Variants in PHYHIPL observed in about 807,000 individuals in gnomAD.
The protein encoded by PHYHIPL is phytanoyl-CoA 2-hydroxylase interacting protein like.
PHYHIPL carries 9 observed loss-of-function variants against 33.4 expected under a neutral mutation model. The observed-to-expected ratio is 0.27, with a 90% confidence interval of 0.16 to 0.47. The LOEUF (loss-of-function observed/expected upper bound fraction) is 0.47, where lower values mean the gene tolerates loss of function less well. Ranked by LOEUF, PHYHIPL falls within the 20% of genes least tolerant of loss-of-function variation. The pLI is 0.99. For missense variants in PHYHIPL, 365 were observed against 460.7 expected, an observed-to-expected ratio of 0.79 and a Z score of 1.90; for synonymous variants, 153 against 154.1, an observed-to-expected ratio of 0.99 and a Z score of 0.05.
intron 1 of PHYHIPL, 109 bp downstream of exon 1, chr10:59,177,068 C>T (rs1396910082): frequency 6.7e-6 from 6 of 894,806 alleles, no homozygotes; most frequent in African/African-American, 5.0e-5. Flanking sequence ...CTTTTGTTGT[C>T]CCCTCTGTGC....
chr10:59,207,544 G>A (rs997415766), intron 1 of PHYHIPL, among the ~76,000 whole-genome samples: 1 of 152,200 alleles, frequency 6.6e-6, no homozygotes, highest in African/African-American at 2.4e-5. Context: ...CAAAGTCGCT[G>A]TAGCCAGACT....
chr10:59,177,435 C>CA (rs1838284602), intron 1 of PHYHIPL: 1 of 1,491,842 alleles, frequency 6.7e-7, no homozygotes, highest in Admixed American at 2.4e-5. Flanking sequence ...TCAGACTCCC[C>CA]AAATTAACAA....
intron 1 of PHYHIPL, among the ~76,000 whole-genome samples, chr10:59,199,324 C>CA (rs1442052647): frequency 1.4e-4 from 21 of 152,140 alleles, no homozygotes; most frequent in African/African-American, 5.1e-4. Flanking sequence ...ATCCTTTCCC[C>CA]ATTTCTTGTT....
At chr10:59,242,738 TA>T (rs1487787687) in intron 4 of PHYHIPL, among the ~76,000 whole-genome samples, 2 of 151,788 alleles carry the variant, frequency 1.3e-5, no homozygotes, top group Non-Finnish European at 2.9e-5. Flanking sequence ...TTTTGGAACA[TA>T]AAAACACAGT....
At chr10:59,177,220 C>A in intron 1 of PHYHIPL, 1 of 581,800 alleles carries the variant, frequency 1.7e-6, no homozygotes, top group Non-Finnish European at 2.9e-6. Flanking sequence ...CCGCCTGGCC[C>A]GGACGAGGGC....
chr10:59,237,731 C>T (rs1840268477), intron 3 of PHYHIPL, among the ~76,000 whole-genome samples: 1 of 151,778 alleles, frequency 6.6e-6, no homozygotes, highest in Non-Finnish European at 1.5e-5. Context: ...TCTTTTCTAG[C>T]CTATGACAGG....
intron 1 of PHYHIPL, among the ~76,000 whole-genome samples, chr10:59,209,115 A>G: frequency 6.6e-6 from 1 of 152,090 alleles, no homozygotes; most frequent in Non-Finnish European, 1.5e-5. Flanking sequence ...CAACTCCAAG[A>G]CACATAATTG....
chr10:59,241,852 T>G (rs1840407218), intron 4 of PHYHIPL, among the ~76,000 whole-genome samples: 1 of 152,020 alleles, frequency 6.6e-6, no homozygotes, highest in South Asian at 2.1e-4. Flanking sequence ...TACAAAGATA[T>G]CTCTTTTGTC....
At chr10:59,194,044 G>A (rs144973774) in intron 1 of PHYHIPL, among the ~76,000 whole-genome samples, 150 of 147,394 alleles carry the variant, frequency 1.0e-3, no homozygotes, top group African/African-American at 3.4e-3. Context: ...CTTTTGTTTT[G>A]CACTATGTAT....
intron 2 of PHYHIPL, 24 bp from the exon 3 acceptor site, chr10:59,236,459 C>A: frequency 6.9e-7 from 1 of 1,447,298 alleles, no homozygotes; most frequent in Non-Finnish European, 9.3e-7. Flanking sequence ...ATTTTTCTCT[C>A]TCTCTTCCTT....
At chr10:59,212,081 TAAG>T (rs764128679) in intron 1 of PHYHIPL, among the ~76,000 whole-genome samples, 3 of 152,226 alleles carry the variant, frequency 2.0e-5, no homozygotes, top group Non-Finnish European at 4.4e-5. Context: ...GTTAGCTTTA[TAAG>T]AAGAAGAAGA....
intron 1 of PHYHIPL, chr10:59,206,826 A>G (rs1839295911): frequency 1.7e-6 from 2 of 1,185,854 alleles, no homozygotes; most frequent in African/African-American, 3.2e-5. Context: ...GCAAGTTATT[A>G]CATTTTAAGT....
At chr10:59,228,339 T>C (rs957821485) in intron 1 of PHYHIPL, among the ~76,000 whole-genome samples, 1 of 152,158 alleles carries the variant, frequency 6.6e-6, no homozygotes, top group Non-Finnish European at 1.5e-5. Flanking sequence ...GATATTTGTT[T>C]TTTCCTAAAA....
At chr10:59,216,672 A>G (rs936045018) in intron 1 of PHYHIPL, among the ~76,000 whole-genome samples, 5 of 152,062 alleles carry the variant, frequency 3.3e-5, no homozygotes, top group African/African-American at 1.2e-4. Context: ...TTTATTGGTG[A>G]TGGAGTGGTA....
At chr10:59,180,023 C>T (rs1295772500) in intron 1 of PHYHIPL, among the ~76,000 whole-genome samples, 1 of 151,694 alleles carries the variant, frequency 6.6e-6, no homozygotes, top group Non-Finnish European at 1.5e-5. Flanking sequence ...ATTTTTGTTT[C>T]TCCATCTCTG....
chr10:59,194,883 G>A (rs1838868698), intron 1 of PHYHIPL, among the ~76,000 whole-genome samples: 2 of 152,190 alleles, frequency 1.3e-5, no homozygotes, highest in Non-Finnish European at 2.9e-5. Context: ...TAGCATGCTA[G>A]ACAGCTGAAT....
intron 1 of PHYHIPL, among the ~76,000 whole-genome samples, chr10:59,187,716 T>G (rs1186228207): frequency 1.3e-5 from 2 of 152,166 alleles, no homozygotes; most frequent in African/African-American, 4.8e-5. Context: ...GTCGAGGAAT[T>G]TATCCGTTTC....
intron 1 of PHYHIPL, among the ~76,000 whole-genome samples, chr10:59,225,789 T>A (rs951011397): frequency 3.3e-5 from 5 of 152,250 alleles, no homozygotes; most frequent in South Asian, 2.1e-4. Context: ...GAGGAAAATT[T>A]TAATAGCATC....
chr10:59,211,187 A>C (rs1317007762), intron 1 of PHYHIPL, among the ~76,000 whole-genome samples: 1 of 152,056 alleles, frequency 6.6e-6, no homozygotes, highest in African/African-American at 2.4e-5. Context: ...AGCCTGGGGA[A>C]CATAGTGAGA....
Sources: gnomAD v4.1 joint callset for allele counts (sites outside exome capture counted in the v4.1 genomes callset) on GRCh38, gnomAD v4.1.1 for gene constraint, MANE v1.5 for transcripts, NCBI Gene and HGNC (gene_info 2026-07-23, HGNC 2026-07-21) for gene names.